Variants in LAMA2 observed in about 807,000 individuals in gnomAD.
LAMA2 encodes the protein laminin subunit alpha 2.
LAMA2 carries 269 observed loss-of-function variants against 364.8 expected under a neutral mutation model. The ratio of observed to expected loss-of-function variants is 0.74; its 90% CI spans 0.67 to 0.82. The LOEUF is 0.82. LAMA2 is among the 40% of genes least tolerant of loss of function. LAMA2 has a pLI of 0.00. For synonymous variants in LAMA2, 1,379 were observed against 1,370.6 expected, an observed-to-expected ratio of 1.01 and a Z score of -0.14; for missense variants, 3,807 against 3,873.2, an observed-to-expected ratio of 0.98 and a Z score of 0.45.
chr6:129,054,687 TATATA>T (rs1217757509), intron 2 of LAMA2, among the ~76,000 whole-genome samples: 1 of 148,450 alleles, frequency 6.7e-6, no homozygotes, highest in Non-Finnish European at 1.5e-5. Context: ...ATAATATACT[TATATA>T]ATATTAAATA....
intron 4 of LAMA2, among the ~76,000 whole-genome samples, chr6:129,109,664 A>T (rs1397930911): frequency 6.6e-6 from 1 of 152,122 alleles, no homozygotes; most frequent in Admixed American, 6.6e-5. Flanking sequence ...TAATTATATC[A>T]ATATTACTTT....
At chr6:128,966,926 C>T (rs544405332) in intron 1 of LAMA2, among the ~76,000 whole-genome samples, 42 of 152,236 alleles carry the variant, frequency 2.8e-4, no homozygotes, top group African/African-American at 9.6e-4. Flanking sequence ...AGATGTATTG[C>T]ATAAAATACA....
intron 8 of LAMA2, chr6:129,157,538 T>C: frequency 6.2e-7 from 1 of 1,612,360 alleles, no homozygotes; most frequent in Admixed American, 1.7e-5. Flanking sequence ...TTTTTACATC[T>C]TGGGATTCAA....
At chr6:129,424,034 T>G (rs1419831092) in intron 40 of LAMA2, among the ~76,000 whole-genome samples, 1 of 152,014 alleles carries the variant, frequency 6.6e-6, no homozygotes, top group Non-Finnish European at 1.5e-5. Flanking sequence ...TATTGACAAA[T>G]AGATTATTAG....
Position 129,331,926 on chromosome 6 carries a change from T to G in LAMA2, c.4311+3514T>G, listed in dbSNP as rs562714410. 2.6e-5 allele frequency among the ~76,000 whole-genome samples: 4 copies of G among 152,284 alleles called. No homozygotes were observed. The East Asian group carries it at 7.8e-4, about 30-fold the overall frequency. ...ATCACCCCATTCTTCTTGAAACCCTTTGCTCAATTTGCTTTCCAGCCCATG... is the reference window on the plus strand; with the variant it reads ...ATCACCCCATTCTTCTTGAAACCCTGTGCTCAATTTGCTTTCCAGCCCATG... On this transcript the variant is annotated intron_variant, in intron 29 of 64. Transcript: ENST00000421865.
At chr6:129,142,065 T>C (rs146671135) in intron 4 of LAMA2, among the ~76,000 whole-genome samples, 75 of 152,188 alleles carry the variant, frequency 4.9e-4, no homozygotes, top group African/African-American at 1.7e-3. Flanking sequence ...TTTTTTATGG[T>C]TGCAGATAAT....
At chr6:129,089,478 C>G (rs1774669357) in intron 3 of LAMA2, among the ~76,000 whole-genome samples, 1 of 152,202 alleles carries the variant, frequency 6.6e-6, no homozygotes, top group Non-Finnish European at 1.5e-5. Context: ...TTTCTGATTG[C>G]CTGTGATTCA....
At chr6:129,261,771 C>T (rs34133583) in intron 15 of LAMA2, among the ~76,000 whole-genome samples, 1 of 152,044 alleles carries the variant, frequency 6.6e-6, no homozygotes, top group African/African-American at 2.4e-5. Context: ...TTCATGACAG[C>T]TGTGTTTCCT....
intron 3 of LAMA2, among the ~76,000 whole-genome samples, chr6:129,069,111 TA>T (rs532657170): frequency 1.5e-3 from 224 of 151,048 alleles, no homozygotes; most frequent in Non-Finnish European, 2.9e-3. Context: ...ATTGTTTATT[TA>T]AAAAAAAAGA....
intron 15 of LAMA2, among the ~76,000 whole-genome samples, chr6:129,263,921 T>C (rs1787313890): frequency 1.3e-5 from 2 of 152,014 alleles, no homozygotes; most frequent in Admixed American, 1.3e-4. Flanking sequence ...TTTTGTTTGT[T>C]TTAATAGAGA....
chr6:129,266,998 T>A, intron 15 of LAMA2, 108 bp from the exon 16 acceptor site: 1 of 788,144 alleles, frequency 1.3e-6, no homozygotes, highest in Non-Finnish European at 2.3e-6. Context: ...GCACATTTGA[T>A]GAGTTTCCTA....
At chr6:129,311,759 A>C (rs957317522) in intron 22 of LAMA2, among the ~76,000 whole-genome samples, 1 of 152,242 alleles carries the variant, frequency 6.6e-6, no homozygotes, top group Non-Finnish European at 1.5e-5. Flanking sequence ...AAAAAGACAA[A>C]TGGATAAGCA....
chr6:129,342,832 T>C (rs956354092), intron 30 of LAMA2, among the ~76,000 whole-genome samples: 1 of 152,158 alleles, frequency 6.6e-6, no homozygotes, highest in Non-Finnish European at 1.5e-5. Flanking sequence ...ATTGTTCGGG[T>C]GCATATTATA....
intron 12 of LAMA2, among the ~76,000 whole-genome samples, chr6:129,196,742 A>G (rs1425414935): frequency 6.6e-6 from 1 of 152,214 alleles, no homozygotes; most frequent in Non-Finnish European, 1.5e-5. Context: ...ATAAAAGTAA[A>G]TAGGATAAAT....
chr6:128,915,643 G>A (rs903825549), intron 1 of LAMA2, among the ~76,000 whole-genome samples: 6 of 152,128 alleles, frequency 3.9e-5, no homozygotes, highest in African/African-American at 1.4e-4. Context: ...AGGTAAACTT[G>A]GCAGTGTCTT....
intron 22 of LAMA2, among the ~76,000 whole-genome samples, chr6:129,305,774 A>C (rs1013167880): frequency 1.3e-5 from 2 of 151,012 alleles, no homozygotes; most frequent in African/African-American, 4.9e-5. Context: ...GATTGGATTA[A>C]GCCTGCACTT....
chr6:129,255,601 C>A (rs1289539118), intron 14 of LAMA2, among the ~76,000 whole-genome samples: 1 of 151,894 alleles, frequency 6.6e-6, no homozygotes, highest in Non-Finnish European at 1.5e-5. Context: ...CGATATAACT[C>A]ATGAGTATTG....
chr6:129,208,995 T>G (rs528354474), intron 12 of LAMA2, among the ~76,000 whole-genome samples: 1 of 152,208 alleles, frequency 6.6e-6, no homozygotes, highest in South Asian at 2.1e-4. Flanking sequence ...AGCCTCAGTG[T>G]TCTGGAAATA....
At chr6:129,179,207 T>C (rs1412750888) in intron 10 of LAMA2, among the ~76,000 whole-genome samples, 1 of 152,104 alleles carries the variant, frequency 6.6e-6, no homozygotes, top group African/African-American at 2.4e-5. Flanking sequence ...TTCTCTAGTA[T>C]TTATCAAAAC....
Sources: gnomAD v4.1 joint callset for allele counts (sites outside exome capture counted in the v4.1 genomes callset) on GRCh38, gnomAD v4.1.1 for gene constraint, MANE v1.5 for transcripts, NCBI Gene and HGNC (gene_info 2026-07-23, HGNC 2026-07-21) for gene names.